The following STPG4 variants were observed in gnomAD, a reference collection of about 807,000 sequenced individuals.
STPG4 encodes the protein protein STPG4.
A neutral mutation model predicts 31.5 loss-of-function variants in STPG4; 41 were observed. The observed-to-expected ratio is 1.30, with a 90% confidence interval of 1.01 to 1.69. The LOEUF is 1.69. STPG4 is among the 40% of genes most tolerant of loss of function. The probability of loss-of-function intolerance (pLI) is 0.00; values close to 1 mark genes in which losing one functional copy is unlikely to be tolerated. For missense variants in STPG4, 375 were observed against 293.4 expected (o/e 1.28, Z -2.03); for synonymous variants, 141 against 103.0 (o/e 1.37, Z -2.24).
At chr2:47,126,869 A>T (rs1686376727) in intron 5 of STPG4, among the ~76,000 whole-genome samples, 1 of 152,072 alleles carries the variant, frequency 6.6e-6, no homozygotes, top group South Asian at 2.1e-4. Context: ...TTCCACTGAG[A>T]AGTCTGCTGT....
chr2:47,130,094 T>G, intron 4 of STPG4, 99 bp from the exon 5 acceptor site: 1 of 1,473,166 alleles, frequency 6.8e-7, no homozygotes, highest in South Asian at 1.2e-5. Context: ...TTTTAAAATG[T>G]TAATTTGCAT....
chr2:47,143,844 G>T (rs992435969), intron 3 of STPG4, among the ~76,000 whole-genome samples: 2 of 152,148 alleles, frequency 1.3e-5, no homozygotes, highest in Non-Finnish European at 2.9e-5. Context: ...AAAAGACCAT[G>T]ACTCATTTTC....
At chr2:47,142,749 T>G (rs979075262) in intron 3 of STPG4, among the ~76,000 whole-genome samples, 2 of 151,868 alleles carry the variant, frequency 1.3e-5, no homozygotes, top group African/African-American at 2.4e-5. Context: ...GGGATTATAC[T>G]CTAAATATTG....
chr2:47,145,024 C>A (rs1025217076), intron 3 of STPG4, among the ~76,000 whole-genome samples: 1 of 152,168 alleles, frequency 6.6e-6, no homozygotes, highest in African/African-American at 2.4e-5. Flanking sequence ...GCCACCGTGC[C>A]CAGCCACAGA....
At chr2:47,094,026 G>A (rs921270540) in intron 5 of STPG4, among the ~76,000 whole-genome samples, 2 of 152,208 alleles carry the variant, frequency 1.3e-5, no homozygotes, top group Non-Finnish European at 2.9e-5. Context: ...TTTAAAACAA[G>A]AGGGACATTT....
In STPG4 at chr2:47,155,131, G is replaced by A. The variant is rs776797587; in HGVS notation, c.81+40C>T. On this transcript the variant is annotated intron_variant, in intron 1 of 6. Transcript: ENST00000445927. ...GGAAAAGGGTAGTGGGCCTGGTGAG[G>A]GGAGCAGGAGCCAGGCCGGCAAGGG... 15 of 1,587,844 alleles carry A rather than the reference G, an allele frequency of 9.4e-6. No homozygotes were observed. The Admixed American group carries it at 2.3e-4, about 25-fold the overall frequency.
intron 5 of STPG4, among the ~76,000 whole-genome samples, chr2:47,113,966 A>G (rs1010529928): frequency 3.8e-4 from 57 of 151,282 alleles, no homozygotes; most frequent in African/African-American, 1.2e-3. Flanking sequence ...CCCAGGAGGC[A>G]GAGCTTGCAG....
At chr2:47,153,450 G>T (rs138384341) in intron 1 of STPG4, among the ~76,000 whole-genome samples, 17 of 152,292 alleles carry the variant, frequency 1.1e-4, no homozygotes, top group Middle Eastern at 3.4e-3. Flanking sequence ...ACCAGAGTTG[G>T]CATGAGAATA....
At chr2:47,112,989 C>CAAAAAAAAAAAA (rs70940656) in intron 5 of STPG4, among the ~76,000 whole-genome samples, 1 of 93,672 alleles carries the variant, frequency 1.1e-5, no homozygotes. Context: ...AAGACTATCT[C>CAAAAAAAAAAAA]AAAAAAAAAA....
chr2:47,093,289 T>G (rs1685607577), intron 5 of STPG4, among the ~76,000 whole-genome samples: 1 of 152,224 alleles, frequency 6.6e-6, no homozygotes, highest in Non-Finnish European at 1.5e-5. Flanking sequence ...AGTCATGTTT[T>G]CAAACTGATG....
In STPG4 at chr2:47,106,007, A is replaced by C. The variant is rs933714729; in HGVS notation, c.520-15633T>G. Reference sequence around the variant, plus strand: ...AAGGAGAGGGGAGAACAGCAGCATAAGCGGCTGGCAGAGGTAGGGAAAGAC... The same window carrying C: ...AAGGAGAGGGGAGAACAGCAGCATACGCGGCTGGCAGAGGTAGGGAAAGAC... On this transcript the variant is annotated intron_variant, in intron 5 of 6. Transcript: ENST00000445927. Among the ~76,000 whole-genome samples, 12 of 152,068 alleles carry C rather than the reference A, an allele frequency of 7.9e-5. 1 individual carries two copies. Among genetic ancestry groups the C allele is most frequent in the African/African-American group, 2.9e-4 (12 of 41,366 alleles).
chr2:47,117,311 G>C (rs908704902), intron 5 of STPG4, among the ~76,000 whole-genome samples: 1 of 152,224 alleles, frequency 6.6e-6, no homozygotes, highest in Non-Finnish European at 1.5e-5. Flanking sequence ...CTGGGTTCAA[G>C]TGATTCTCCT....
At chr2:47,126,667 A>T (rs1686372006) in intron 5 of STPG4, among the ~76,000 whole-genome samples, 1 of 152,176 alleles carries the variant, frequency 6.6e-6, no homozygotes. Context: ...CTTTCCTTTC[A>T]GAATTTGAAG....
chr2:47,093,831 A>C (rs1685620505), intron 5 of STPG4, among the ~76,000 whole-genome samples: 1 of 152,244 alleles, frequency 6.6e-6, no homozygotes, highest in African/African-American at 2.4e-5. Context: ...GCCCAAGTTC[A>C]TATTCCAAAG....
chr2:47,131,763 TC>T (rs1472334956), intron 3 of STPG4, among the ~76,000 whole-genome samples: 4 of 152,180 alleles, frequency 2.6e-5, no homozygotes, highest in Non-Finnish European at 5.9e-5. Context: ...AAGAGAGGCC[TC>T]ACATCTAACA....
Position 47,133,570 on chromosome 2 carries a change from C to CTTTTTTTTTT in STPG4, c.400-3320_400-3311dup, listed in dbSNP as rs10682288. On this transcript the variant is annotated intron_variant, in intron 3 of 6. Transcript: ENST00000445927. Reference sequence around the variant, plus strand: ...ATCCATGCTGATTAGGCACTCAAATCTTTTTTTTTTTTTTTTTTTTTTTTG... The same window carrying CTTTTTTTTTT: ...ATCCATGCTGATTAGGCACTCAAATCTTTTTTTTTTTTTTTTTTTTTTTTTTTTTTTTTTG... 3.0e-3 allele frequency among the ~76,000 whole-genome samples: 202 copies of CTTTTTTTTTT among 67,156 alleles called. 42 individuals carry two copies. Among genetic ancestry groups the CTTTTTTTTTT allele is most frequent in the Non-Finnish European group, 4.0e-3 (161 of 39,828 alleles). 44.1% of individuals were successfully genotyped at this position (67,156 alleles called of 152,430 possible).
chr2:47,144,266 T>C (rs138553946), intron 3 of STPG4, among the ~76,000 whole-genome samples: 663 of 152,338 alleles, frequency 4.4e-3, no homozygotes, highest in Middle Eastern at 0.017. Context: ...GGACAATGCA[T>C]CTCGAAAGAC....
chr2:47,107,626 C>T (rs1321623139), intron 5 of STPG4, among the ~76,000 whole-genome samples: 9 of 152,154 alleles, frequency 5.9e-5, no homozygotes, highest in African/African-American at 1.9e-4. Flanking sequence ...TGCTCCATGG[C>T]ACCCAGTCCC....
chr2:47,092,861 C>T (rs1271839497), intron 5 of STPG4, among the ~76,000 whole-genome samples: 2 of 151,860 alleles, frequency 1.3e-5, no homozygotes, highest in African/African-American at 4.8e-5. Flanking sequence ...CACGCCATCT[C>T]GGCTCACTGC....
Sources: allele counts gnomAD v4.1 joint callset (sites outside exome capture counted in the v4.1 genomes callset), GRCh38; gene constraint gnomAD v4.1.1; transcripts MANE v1.5; gene names NCBI Gene and HGNC (gene_info 2026-07-23, HGNC 2026-07-21).